Variants in HSD3B2 observed in about 807,000 individuals in gnomAD.
The protein encoded by HSD3B2 is hydroxy-delta-5-steroid dehydrogenase, 3 beta- and steroid delta-isomerase 2.
HSD3B2 carries 8 observed loss-of-function variants against 9.9 expected under a neutral mutation model. The ratio of observed to expected loss-of-function variants is 0.81; its 90% confidence interval spans 0.47 to 1.46. The LOEUF (loss-of-function observed/expected upper bound fraction) is 1.46, where lower values mean the gene tolerates loss of function less well. HSD3B2 is among the 40% of genes most tolerant of loss of function. The pLI, the probability that HSD3B2 is intolerant of heterozygous loss-of-function variation, is 0.00. For missense variants in HSD3B2, 410 were observed against 448.3 expected, an observed-to-expected ratio of 0.91 and a Z score of 0.77; for synonymous variants, 221 against 184.5, an observed-to-expected ratio of 1.20 and a Z score of -1.60.
At chr1:119,415,683 A>G in intron 2 of HSD3B2, 122 bp downstream of exon 2, 5 of 1,010,818 alleles carry the variant, frequency 4.9e-6, no homozygotes, top group Non-Finnish European at 7.9e-6. Context: ...TCACACATCT[A>G]AAGTCATCAG....
At chr1:119,415,620 G>T (rs1264592391) in intron 2 of HSD3B2, 59 bp downstream of exon 2, 48 of 1,577,554 alleles carry the variant, frequency 3.0e-5, no homozygotes, top group Non-Finnish European at 1.4e-5. Flanking sequence ...TGGGTGTGGG[G>T]AGGTTGACCT....
In HSD3B2 at chr1:119,415,551, G is replaced by T. The variant is rs111333222; in HGVS notation, c.132G>T (p.Glu44Asp). The change falls in exon 2 of 4, where the codon GAG becomes GAT. Residue 44 changes from glutamate to aspartate, a missense_variant. Transcript: ENST00000369416. The stretch of plus-strand genomic sequence containing the variant: ...AGGCCTTCAGACCAGAATTGAGAGA[G>T]GAATTTTCTAGTAAGTAAACTTGAG... ...LDKAFRPELR[E>D]EFSKLQNRTK... The T allele has an allele frequency of 7.6e-5, 122 of 1,613,844 alleles. No homozygotes were observed. The African/African-American group carries it at 1.5e-3, about 20-fold the overall frequency.
intron 3 of HSD3B2, among the ~76,000 whole-genome samples, chr1:119,421,391 GTA>G (rs1170102410): frequency 2.3e-4 from 25 of 110,794 alleles, no homozygotes; most frequent in Middle Eastern, 5.1e-3. Context: ...ATATATATAT[GTA>G]TATATATATG....
rs1445118268 is a variant in HSD3B2, at chr1:119,421,791, C to T, written c.308-18C>T. The T allele has an allele frequency of 6.2e-7, 1 of 1,613,282 alleles. No homozygotes were observed. Among genetic ancestry groups the T allele is most frequent in the African/African-American group, 1.3e-5 (1 of 74,790 alleles). On this transcript the variant is annotated intron_variant, in intron 3 of 3. Transcript: ENST00000369416. The stretch of plus-strand genomic sequence containing the variant: ...TTGGGATATTTCCTGACACTGTCAT[C>T]ATGCTCTTCGTGGGCAGGTACCCAG...
In HSD3B2 at chr1:119,422,420, A is replaced by G. The variant is rs746758931; in HGVS notation, c.919A>G (p.Ile307Val). Residue 307 changes from isoleucine (I) to valine (V), a missense_variant, in exon 4 of 4, where the codon ATT (isoleucine) becomes GTT (valine). Physicochemically the swap from Ile to Val is conservative, Grantham distance 29 (BLOSUM62 3). Transcript: ENST00000369416. The part of the protein sequence containing the change: ...LEVVSFLLSP[I>V]YSYQPPFNRH... ...AGTAGTGAGCTTCCTACTCAGCCCA[A>G]TTTACTCCTATCAACCCCCCTTCAA... is the stretch of plus-strand genomic sequence containing the variant. The G allele has an allele frequency of 5.6e-6, 9 of 1,614,022 alleles. No homozygotes were observed. The East Asian group carries it at 1.1e-4, about 20-fold the overall frequency.
Position 119,422,407 on chromosome 1 carries a change from C to T in HSD3B2, c.906C>T (p.Phe302=). ...GCTTCCTGCTGGAAGTAGTGAGCTT[C>T]CTACTCAGCCCAATTTACTCCTATC... ...WIGFLLEVVS[F]LLSPIYSYQP... Residue 302 remains phenylalanine (F), a synonymous_variant, in exon 4 of 4, where the codon TTC becomes TTT. Transcript: ENST00000369416. 2 of 1,614,146 alleles carry T rather than the reference C, an allele frequency of 1.2e-6. No individual in the cohort carries two copies. Among genetic ancestry groups the T allele is most frequent in the Non-Finnish European group, 1.7e-6 (2 of 1,180,010 alleles).
At chr1:119,416,110 T>A (rs1651701127) in intron 2 of HSD3B2, among the ~76,000 whole-genome samples, 1 of 151,086 alleles carries the variant, frequency 6.6e-6, no homozygotes, top group Non-Finnish European at 1.5e-5. Flanking sequence ...AGACAGAGAA[T>A]GAGAAAGACA....
intron 3 of HSD3B2, 73 bp from the exon 4 acceptor site, chr1:119,421,736 C>T (rs1330217240): frequency 1.3e-6 from 2 of 1,540,938 alleles, no homozygotes; most frequent in Non-Finnish European, 1.8e-6. Context: ...GAGTGGGGCA[C>T]ATGGATCTGT....
At position 119,421,462 on chromosome 1, in the gene HSD3B2, TA is replaced by T. The variant is rs1557869555; in HGVS notation, c.308-346del. Among the ~76,000 whole-genome samples, 54 of 7,778 alleles carry T rather than the reference TA, an allele frequency of 6.9e-3. 2 individuals carry two copies. Among genetic ancestry groups the T allele is most frequent in the African/African-American group, 0.028 (52 of 1,866 alleles). 5.1% of individuals were successfully genotyped at this position (7,778 alleles called of 152,430 possible). ...ATATGTATATATATATGTATATATA[TA>T]TGTATATATATATGTATATATATAT... On this transcript the variant is annotated intron_variant, in intron 3 of 3. Coordinates refer to ENST00000369416, the MANE Select transcript of HSD3B2 (RefSeq NM_000198.4).
chr1:119,420,983 A>G (rs915777329), intron 3 of HSD3B2, among the ~76,000 whole-genome samples: 1 of 152,178 alleles, frequency 6.6e-6, no homozygotes, highest in African/African-American at 2.4e-5. Context: ...CAGCTTTTCC[A>G]GGGAACACAC....
intron 2 of HSD3B2, among the ~76,000 whole-genome samples, chr1:119,416,243 C>G (rs753784048): frequency 6.6e-6 from 1 of 152,016 alleles, no homozygotes; most frequent in Non-Finnish European, 1.5e-5. Flanking sequence ...GTGCACGGCA[C>G]AGAGCAGAGA....
intron 3 of HSD3B2, 131 bp from the exon 4 acceptor site, chr1:119,421,678 A>G (rs1651879966): frequency 9.7e-6 from 10 of 1,031,222 alleles, no homozygotes; most frequent in Non-Finnish European, 1.4e-5. Flanking sequence ...TCAGAGCCAC[A>G]GAAGAATGCA....
Position 119,421,455 on chromosome 1 carries a change from ATATATATATG to A in HSD3B2, c.308-344_308-335del, listed in dbSNP as rs1557869538. 2.9e-4 allele frequency among the ~76,000 whole-genome samples: 8 copies of A among 27,608 alleles called. 1 individual carries two copies. Among genetic ancestry groups the A allele is most frequent in the East Asian group, 1.2e-3 (2 of 1,706 alleles). 18.1% of individuals were successfully genotyped at this position (27,608 alleles called of 152,430 possible). A position where few individuals can be genotyped will look rare whatever the true frequency, so the allele number is the denominator to read the frequency against. Reference sequence around the variant, plus strand: ...TATATATATATGTATATATATATGTATATATATATGTATATATATATGTATATATATATTT... The same window carrying A: ...TATATATATATGTATATATATATGTATATATATATATGTATATATATATTT... On this transcript the variant is annotated intron_variant, in intron 3 of 3. Coordinates refer to ENST00000369416, the MANE Select transcript of HSD3B2 (RefSeq NM_000198.4).
intron 3 of HSD3B2, among the ~76,000 whole-genome samples, chr1:119,420,472 C>A (rs888102181): frequency 2.0e-5 from 3 of 152,006 alleles, no homozygotes; most frequent in South Asian, 4.2e-4. Flanking sequence ...CCCTAAGTAC[C>A]GCTATAGTTC....
At chr1:119,419,075 T>C (rs932330797) in intron 2 of HSD3B2, among the ~76,000 whole-genome samples, 1 of 152,180 alleles carries the variant, frequency 6.6e-6, no homozygotes, top group Non-Finnish European at 1.5e-5. Context: ...TTCCCTCTTA[T>C]ACCCAACTCT....
At chr1:119,416,051 G>C (rs1651699737) in intron 2 of HSD3B2, among the ~76,000 whole-genome samples, 1 of 152,028 alleles carries the variant, frequency 6.6e-6, no homozygotes, top group Non-Finnish European at 1.5e-5. Flanking sequence ...GTGTGTAATT[G>C]TGTGTGTGTG....
chr1:119,420,568 G>C (rs1417994231), intron 3 of HSD3B2, among the ~76,000 whole-genome samples: 1 of 152,088 alleles, frequency 6.6e-6, no homozygotes, highest in Non-Finnish European at 1.5e-5. Flanking sequence ...AATGACAAGG[G>C]GAGTGTTAGA....
Position 119,421,928 on chromosome 1 carries a change from G to C in HSD3B2, c.427G>C (p.Glu143Gln), listed in dbSNP as rs587631086. Reference protein sequence around the residue: ...YKEIIQNGHEEEPLENTWPTP... With the variant: ...YKEIIQNGHEQEPLENTWPTP... The stretch of plus-strand genomic sequence containing the variant: ...GGAAATCATCCAGAACGGCCACGAA[G>C]AAGAGCCTCTGGAAAACACATGGCC... The change falls in exon 4 of 4, where the codon GAA becomes CAA. Residue 143 changes from glutamate to glutamine, a missense_variant. Physicochemically the swap from Glu to Gln is conservative, Grantham distance 29. Transcript: ENST00000369416. 5.0e-6 allele frequency: 8 copies of C among 1,614,094 alleles called. No individual in the cohort carries two copies. In the African/African-American group the frequency reaches 5.3e-5, roughly 11 times the overall value.
At chr1:119,418,077 G>A (rs1209477698) in intron 2 of HSD3B2, among the ~76,000 whole-genome samples, 2 of 152,138 alleles carry the variant, frequency 1.3e-5, no homozygotes, top group Non-Finnish European at 2.9e-5. Flanking sequence ...TTCATTTTGT[G>A]GGCTAATTCC....
Sources: allele counts gnomAD v4.1 joint callset (sites outside exome capture counted in the v4.1 genomes callset), GRCh38; gene constraint gnomAD v4.1.1; transcripts MANE v1.5; gene names NCBI Gene and HGNC (gene_info 2026-07-23, HGNC 2026-07-21).